ADAMTS17: variants seen among roughly 807,000 people sequenced by gnomAD.
ADAMTS17 encodes A disintegrin and metalloproteinase with thrombospondin motifs 17.
Under a neutral mutation model 141.5 loss-of-function variants are expected in ADAMTS17, and 113 were observed. The observed-to-expected ratio is 0.80, with a 90% CI of 0.69 to 0.93. The LOEUF (loss-of-function observed/expected upper bound fraction) is 0.93. Among genes scored for constraint, ADAMTS17 ranks in the 40% least tolerant of loss-of-function variants. The pLI is 0.00. For synonymous variants in ADAMTS17, 768 were observed against 630.6 expected (o/e 1.22, Z -3.27); for missense variants, 1,659 against 1,517.9 (o/e 1.09, Z -1.54).
At chr15:100,237,215 G>A (rs557048723) in intron 7 of ADAMTS17, among the ~76,000 whole-genome samples, 4 of 152,278 alleles carry the variant, frequency 2.6e-5, no homozygotes, top group African/African-American at 4.8e-5. Context: ...GTGAACTGGC[G>A]CCTACAGGAG....
At chr15:100,297,335 G>C (rs765738174) in intron 3 of ADAMTS17, among the ~76,000 whole-genome samples, 3 of 152,174 alleles carry the variant, frequency 2.0e-5, no homozygotes, top group Non-Finnish European at 2.9e-5. Flanking sequence ...GGGAGCAGGG[G>C]GATGCCACCT....
intron 3 of ADAMTS17, among the ~76,000 whole-genome samples, chr15:100,296,601 GTGTA>G (rs987973293): frequency 5.6e-4 from 85 of 151,926 alleles, no homozygotes; most frequent in African/African-American, 1.7e-3. Flanking sequence ...GTGTGTGTGT[GTGTA>G]TGTGTGTGTG....
intron 15 of ADAMTS17, among the ~76,000 whole-genome samples, chr15:100,057,247 A>C (rs2032656775): frequency 6.6e-6 from 1 of 152,144 alleles, no homozygotes; most frequent in Admixed American, 6.5e-5. Context: ...GTGGCCTCAG[A>C]GGGTGGGAAG....
rs56724692 is a variant in ADAMTS17 at position 100,030,062 on chromosome 15, C to A, written c.2591+18795G>T. Among the ~76,000 whole-genome samples, 1,323 of 152,304 alleles carry A rather than the reference C, an allele frequency of 8.7e-3. 27 individuals carry two copies. The highest frequency in any genetic ancestry group is 0.03 in the African/African-American group (1,264 of 41,562). On this transcript the variant is annotated intron_variant, in intron 18 of 21. Coordinates refer to ENST00000268070, the MANE Select transcript of ADAMTS17 (RefSeq NM_139057.4). ...GCCTGAGCCTTGCTTCGGATCAGCT[C>A]TCTGAGAGGTGCTGGCCCCCAGATC...
intron 18 of ADAMTS17, among the ~76,000 whole-genome samples, chr15:100,011,496 C>T (rs1217054971): frequency 2.0e-5 from 3 of 151,914 alleles, no homozygotes; most frequent in African/African-American, 4.8e-5. Context: ...ATTTTCAACA[C>T]TTTGCTATTA....
rs1437292799 is a variant in ADAMTS17, at chr15:100,048,995, G to T, written c.2456-3C>A. The T allele has an allele frequency of 6.2e-7, 1 of 1,614,150 alleles. No individual in the cohort carries two copies. Among genetic ancestry groups the T allele is most frequent in the South Asian group, 1.1e-5 (1 of 91,080 alleles). On this transcript the variant is annotated splice_polypyrimidine_tract_variant and splice_region_variant and intron_variant, in intron 17 of 21. Transcript: ENST00000268070. ...CGAGACGATGGTTCTGCGCTCCCCT[G>T]GAAACCAAACCACAGGGAGCTGAGA...
chr15:100,203,419 A>G (rs2041414150), intron 7 of ADAMTS17, among the ~76,000 whole-genome samples: 1 of 152,062 alleles, frequency 6.6e-6, no homozygotes, highest in South Asian at 2.1e-4. Context: ...CTAAAAATAC[A>G]AAATTGGTTG....
chr15:100,065,767 A>G (rs745606097), intron 15 of ADAMTS17, among the ~76,000 whole-genome samples: 1 of 152,104 alleles, frequency 6.6e-6, no homozygotes, highest in African/African-American at 2.4e-5. Flanking sequence ...GGTTTGTTAC[A>G]TATGTATACA....
chr15:99,983,162 C>T (rs2060514317), intron 20 of ADAMTS17, among the ~76,000 whole-genome samples: 1 of 152,180 alleles, frequency 6.6e-6, no homozygotes, highest in Non-Finnish European at 1.5e-5. Context: ...TAACGGCAGT[C>T]ACCGTCGCAG....
chr15:100,169,840 G>T (rs551730843), intron 8 of ADAMTS17, among the ~76,000 whole-genome samples: 6 of 152,186 alleles, frequency 3.9e-5, no homozygotes, highest in Non-Finnish European at 8.8e-5. Flanking sequence ...GCTTTGGGGA[G>T]AACAGGTGTT....
At chr15:100,215,800 A>G (rs1285605335) in intron 7 of ADAMTS17, among the ~76,000 whole-genome samples, 3 of 152,068 alleles carry the variant, frequency 2.0e-5, no homozygotes. Context: ...GTATCAAAAC[A>G]TCCTGCTGCT....
At chr15:100,318,274 G>GC (rs879303977) in intron 3 of ADAMTS17, among the ~76,000 whole-genome samples, 7 of 130,712 alleles carry the variant, frequency 5.4e-5, no homozygotes, top group South Asian at 2.7e-4. Flanking sequence ...TCTAACACCC[G>GC]CCCCCCCTTA....
intron 9 of ADAMTS17, 105 bp from the exon 10 acceptor site, chr15:100,152,867 C>G (rs925162398): frequency 1.4e-6 from 2 of 1,403,976 alleles, no homozygotes; most frequent in Non-Finnish European, 1.9e-6. Flanking sequence ...AAGAGGGCAC[C>G]TCCACGTTCC....
chr15:100,134,268 C>T (rs988195228), intron 10 of ADAMTS17, among the ~76,000 whole-genome samples: 1 of 152,228 alleles, frequency 6.6e-6, no homozygotes, highest in Non-Finnish European at 1.5e-5. Context: ...CAGGATTGCA[C>T]CTTTCTTGAC....
At chr15:100,117,560 G>T (rs2037216499) in intron 12 of ADAMTS17, among the ~76,000 whole-genome samples, 1 of 152,184 alleles carries the variant, frequency 6.6e-6, no homozygotes, top group Admixed American at 6.5e-5. Context: ...ACCTTTACCT[G>T]GGCAGGTGTG....
intron 21 of ADAMTS17, 84 bp from the exon 22 acceptor site, chr15:99,974,646 G>T: frequency 1.3e-6 from 2 of 1,559,864 alleles, no homozygotes; most frequent in Non-Finnish European, 1.8e-6. Flanking sequence ...CTTGTGGTCT[G>T]ACCGTCTGGG....
At chr15:100,263,928 G>A (rs1192941198) in intron 4 of ADAMTS17, among the ~76,000 whole-genome samples, 5 of 152,184 alleles carry the variant, frequency 3.3e-5, no homozygotes, top group African/African-American at 4.8e-5. Context: ...GAGTGGAGCC[G>A]CTCAACACGG....
intron 18 of ADAMTS17, among the ~76,000 whole-genome samples, chr15:100,029,002 C>T (rs182853994): frequency 3.9e-5 from 6 of 152,328 alleles, no homozygotes; most frequent in Admixed American, 3.3e-4. Flanking sequence ...TTGCGGACAT[C>T]TCGCTGTCTG....
At position 100,179,596 on chromosome 15, in the gene ADAMTS17, A is replaced by G. The variant is rs1344825124; in HGVS notation, c.1181+19722T>C. Among the ~76,000 whole-genome samples, 3 of 152,100 alleles carry G rather than the reference A, an allele frequency of 2.0e-5. No homozygotes were observed. The East Asian group carries it at 5.8e-4, about 29-fold the overall frequency. Reference sequence around the variant, plus strand: ...ATTGCTGGATCACAAAAATAGTTCTATTTTTAGTTTATTGAGGAACCTCCA... The same window carrying G: ...ATTGCTGGATCACAAAAATAGTTCTGTTTTTAGTTTATTGAGGAACCTCCA... On this transcript the variant is annotated intron_variant, in intron 8 of 21. Transcript: ENST00000268070.
Sources: allele counts gnomAD v4.1 joint callset (sites outside exome capture counted in the v4.1 genomes callset), GRCh38; gene constraint gnomAD v4.1.1; transcripts MANE v1.5; gene names NCBI Gene and HGNC (gene_info 2026-07-23, HGNC 2026-07-21).